Variants in ADAMTS3 observed in about 807,000 individuals in gnomAD.
The protein encoded by ADAMTS3 is ADAM metallopeptidase with thrombospondin type 1 motif 3.
In ADAMTS3, 73 loss-of-function variants were observed where a neutral mutation model predicts 129.0. The observed-to-expected ratio is 0.57, with a 90% confidence interval of 0.47 to 0.69. The LOEUF (loss-of-function observed/expected upper bound fraction) is 0.69. Ranked by LOEUF, ADAMTS3 falls within the 30% of genes least tolerant of loss-of-function variation. The pLI is 0.00. For synonymous variants in ADAMTS3, 477 were observed against 510.8 expected (o/e 0.93, Z 0.89); for missense variants, 1,457 against 1,514.5 (o/e 0.96, Z 0.63).
At chr4:72,345,245 TG>T (rs1482650487) in intron 4 of ADAMTS3, among the ~76,000 whole-genome samples, 2 of 152,152 alleles carry the variant, frequency 1.3e-5, no homozygotes, top group Admixed American at 1.3e-4. Flanking sequence ...ATGAAGTAAC[TG>T]GAATACTACA....
intron 5 of ADAMTS3, among the ~76,000 whole-genome samples, chr4:72,333,873 G>A (rs1186393587): frequency 2.9e-5 from 3 of 102,834 alleles, no homozygotes; most frequent in African/African-American, 8.1e-5. Flanking sequence ...TTTTTGAGAC[G>A]GAGTCTTGCT....
intron 2 of ADAMTS3, among the ~76,000 whole-genome samples, chr4:72,554,292 G>A (rs1212351803): frequency 6.6e-6 from 1 of 152,148 alleles, no homozygotes; most frequent in Non-Finnish European, 1.5e-5. Context: ...CTATGTTAAT[G>A]TCAACCATGT....
chr4:72,315,741 C>T, intron 11 of ADAMTS3, 117 bp downstream of exon 11: 1 of 632,294 alleles, frequency 1.6e-6, no homozygotes, highest in South Asian at 2.3e-5. Flanking sequence ...TAAAGCCTTG[C>T]ATACTATGGT....
At chr4:72,384,267 CA>C (rs1721377925) in intron 4 of ADAMTS3, among the ~76,000 whole-genome samples, 1 of 152,004 alleles carries the variant, frequency 6.6e-6, no homozygotes, top group Admixed American at 6.6e-5. Context: ...TGATTATGGC[CA>C]TTTTCAAAAT....
intron 6 of ADAMTS3, among the ~76,000 whole-genome samples, 180 bp downstream of exon 6, chr4:72,322,834 T>A (rs535819649): frequency 1.3e-5 from 2 of 152,296 alleles, no homozygotes; most frequent in East Asian, 1.9e-4. Flanking sequence ...AAATCATTCA[T>A]AATCTGCTCA....
At chr4:72,485,469 A>T (rs1474304835) in intron 3 of ADAMTS3, among the ~76,000 whole-genome samples, 1 of 152,144 alleles carries the variant, frequency 6.6e-6, no homozygotes, top group African/African-American at 2.4e-5. Flanking sequence ...TTCCTGCATT[A>T]TCTTCCAGGC....
chr4:72,482,819 C>T (rs962948795), intron 3 of ADAMTS3, among the ~76,000 whole-genome samples: 1 of 152,174 alleles, frequency 6.6e-6, no homozygotes, highest in African/African-American at 2.4e-5. Context: ...GATTCCACTG[C>T]TGTGGGGACC....
chr4:72,469,994 A>G (rs1328336903), intron 3 of ADAMTS3, among the ~76,000 whole-genome samples: 1 of 152,178 alleles, frequency 6.6e-6, no homozygotes, highest in Non-Finnish European at 1.5e-5. Context: ...AGTTACATAC[A>G]GACATTTCAC....
intron 3 of ADAMTS3, among the ~76,000 whole-genome samples, chr4:72,431,496 G>A (rs1722697383): frequency 6.6e-6 from 1 of 151,818 alleles, no homozygotes; most frequent in African/African-American, 2.4e-5. Flanking sequence ...CATGTGACAG[G>A]GTGCAGTCAG....
chr4:72,371,423 A>G (rs1210275649), intron 4 of ADAMTS3, among the ~76,000 whole-genome samples: 1 of 146,286 alleles, frequency 6.8e-6, no homozygotes, highest in South Asian at 2.2e-4. Context: ...AAGAAAATGC[A>G]CCAAGCTGAC....
intron 3 of ADAMTS3, among the ~76,000 whole-genome samples, chr4:72,468,273 G>T (rs1472010352): frequency 3.9e-5 from 6 of 151,998 alleles, no homozygotes; most frequent in Non-Finnish European, 5.9e-5. Flanking sequence ...AATTGCCATG[G>T]ATATGATGCC....
chr4:72,530,783 T>G (rs1205430641), intron 3 of ADAMTS3, among the ~76,000 whole-genome samples: 3 of 96,958 alleles, frequency 3.1e-5, no homozygotes, highest in Non-Finnish European at 5.7e-5. Context: ...TATATTATAT[T>G]ATACATTATA....
intron 3 of ADAMTS3, among the ~76,000 whole-genome samples, chr4:72,512,088 G>A (rs1021873063): frequency 2.0e-5 from 3 of 152,292 alleles, no homozygotes; most frequent in Middle Eastern, 3.4e-3. Flanking sequence ...TAGATGTAGA[G>A]AGTAGAAGGA....
intron 5 of ADAMTS3, 140 bp downstream of exon 5, chr4:72,339,354 T>C (rs967069177): frequency 1.3e-6 from 1 of 751,024 alleles, no homozygotes; most frequent in South Asian, 1.7e-5. Flanking sequence ...AATATGTAGA[T>C]CAATAATTTA....
chr4:72,352,163 C>T (rs1720456684), intron 4 of ADAMTS3, among the ~76,000 whole-genome samples: 1 of 151,952 alleles, frequency 6.6e-6, no homozygotes, highest in Admixed American at 6.6e-5. Context: ...TGAGGAATGA[C>T]ATATTTGAAA....
At chr4:72,384,722 G>A (rs1340049537) in intron 4 of ADAMTS3, among the ~76,000 whole-genome samples, 3 of 152,186 alleles carry the variant, frequency 2.0e-5, no homozygotes, top group East Asian at 3.9e-4. Flanking sequence ...AGATGTCCAG[G>A]AAACAATATT....
chr4:72,333,913 G>A (rs1459658022), intron 5 of ADAMTS3, among the ~76,000 whole-genome samples: 4 of 137,980 alleles, frequency 2.9e-5, no homozygotes, highest in African/African-American at 2.6e-5. Flanking sequence ...GCAGTGGCGC[G>A]ATCTAGGCTC....
chr4:72,291,088 C>T (rs1419757351), intron 19 of ADAMTS3, 26 bp from the exon 20 acceptor site: 2 of 1,611,498 alleles, frequency 1.2e-6, no homozygotes, highest in East Asian at 4.5e-5. Context: ...TTTAATATTG[C>T]AATTATCACT....
chr4:72,538,980 G>T (rs1721249420), intron 3 of ADAMTS3, among the ~76,000 whole-genome samples: 2 of 152,046 alleles, frequency 1.3e-5, no homozygotes, highest in East Asian at 3.9e-4. Flanking sequence ...GCATAAAGCT[G>T]GATCCTTACC....
Sources: allele counts gnomAD v4.1 joint callset (sites outside exome capture counted in the v4.1 genomes callset), GRCh38; gene constraint gnomAD v4.1.1; transcripts MANE v1.5; gene names NCBI Gene and HGNC (gene_info 2026-07-23, HGNC 2026-07-21).